Variants in FHIT observed in about 807,000 individuals in gnomAD.
FHIT encodes bis(5'-adenosyl)-triphosphatase.
A neutral mutation model predicts 17.9 loss-of-function variants in FHIT; 19 were observed. That is an observed-to-expected ratio of 1.06 (90% CI 0.74 to 1.56). The LOEUF is 1.56. Ranked by LOEUF, FHIT falls within the 40% of genes most tolerant of loss-of-function variation. The pLI, the probability that FHIT is intolerant of heterozygous loss-of-function variation, is 0.00. For missense variants in FHIT, 248 were observed against 189.2 expected (o/e 1.31, Z -1.82); for synonymous variants, 81 against 69.7 (o/e 1.16, Z -0.81).
intron 3 of FHIT, among the ~76,000 whole-genome samples, chr3:61,027,694 T>C (rs1403604827): frequency 2.0e-5 from 3 of 152,166 alleles, no homozygotes; most frequent in Non-Finnish European, 4.4e-5. Context: ...TAAACTATCA[T>C]ACAATATGTA....
intron 4 of FHIT, among the ~76,000 whole-genome samples, chr3:60,663,581 A>C (rs62251488): frequency 0.099 from 15,043 of 151,796 alleles, 955 homozygotes; most frequent in Non-Finnish European, 0.13. Context: ...GATTACAGGC[A>C]CCCACCACCA....
At chr3:60,259,013 T>C (rs1218016705) in intron 5 of FHIT, among the ~76,000 whole-genome samples, 6 of 150,918 alleles carry the variant, frequency 4.0e-5, no homozygotes, top group Non-Finnish European at 5.9e-5. Context: ...AATATCAAGA[T>C]GCCATATTTT....
chr3:60,125,617 C>CA (rs200255368), intron 5 of FHIT, among the ~76,000 whole-genome samples: 23,725 of 122,432 alleles, frequency 0.19, 2,108 homozygotes, highest in African/African-American at 0.23. Context: ...GACACTGTCT[C>CA]AAAAAAAAAA....
chr3:60,070,965 G>A (rs757181921), intron 5 of FHIT, among the ~76,000 whole-genome samples: 1 of 152,192 alleles, frequency 6.6e-6, no homozygotes, highest in Non-Finnish European at 1.5e-5. Context: ...CTAGTTTATG[G>A]TTAACAAACT....
At position 60,324,991 on chromosome 3, in the gene FHIT, G is replaced by A. The variant is rs369537811; in HGVS notation, c.103+211869C>T. On this transcript the variant is annotated intron_variant, in intron 5 of 9. Coordinates refer to ENST00000492590, the MANE Select transcript of FHIT (RefSeq NM_002012.4). The stretch of plus-strand genomic sequence containing the variant: ...ATTCTAGATATTTCTGAAGGTTTCT[G>A]AAGGTCACACAAAGGTGACTGTTTC... Among the ~76,000 whole-genome samples the A allele has an allele frequency of 4.5e-4, 69 of 152,096 alleles. 2 individuals are homozygous for A. In the South Asian group the frequency reaches 0.014, roughly 31 times the overall value.
chr3:60,508,432 CCA>C (rs1299129009), intron 5 of FHIT, among the ~76,000 whole-genome samples: 1 of 152,226 alleles, frequency 6.6e-6, no homozygotes, highest in African/African-American at 2.4e-5. Context: ...CTCCCTGCCA[CCA>C]CAGTTACAGG....
At chr3:60,161,942 G>T (rs932358424) in intron 5 of FHIT, among the ~76,000 whole-genome samples, 2 of 152,174 alleles carry the variant, frequency 1.3e-5, no homozygotes, top group East Asian at 1.9e-4. Flanking sequence ...GCTGAGATTG[G>T]ATTAAAGGCG....
chr3:60,358,809 C>A (rs1699780488), intron 5 of FHIT, among the ~76,000 whole-genome samples: 1 of 152,124 alleles, frequency 6.6e-6, no homozygotes, highest in Non-Finnish European at 1.5e-5. Flanking sequence ...AGTTGTAGGT[C>A]TTTGGGGAAA....
chr3:60,470,728 C>T (rs562980817), intron 5 of FHIT, among the ~76,000 whole-genome samples: 24 of 152,186 alleles, frequency 1.6e-4, no homozygotes, highest in South Asian at 4.1e-4. Context: ...GGTACCCAAG[C>T]GGCAAGATAA....
rs66518440 is a variant in FHIT, at chr3:60,227,680, CA to C, written c.104-213529del. ...CTGTTTAAAAATATTTTTACAAGGC[CA>C]TTGGATAAAAACAAGTATTAGGTAT... On this transcript the variant is annotated intron_variant, in intron 5 of 9. Coordinates refer to ENST00000492590, the MANE Select transcript of FHIT (RefSeq NM_002012.4). Among the ~76,000 whole-genome samples, 458 of 152,200 alleles carry C rather than the reference CA, an allele frequency of 3.0e-3. 2 individuals are homozygous for C. Among genetic ancestry groups the C allele is most frequent in the African/African-American group, 7.6e-3 (315 of 41,532 alleles).
chr3:60,760,418 T>C (rs529545399), intron 4 of FHIT, among the ~76,000 whole-genome samples: 12 of 152,252 alleles, frequency 7.9e-5, no homozygotes, highest in African/African-American at 2.6e-4. Flanking sequence ...AGAGAAGCTA[T>C]TGGAGATCTG....
intron 7 of FHIT, among the ~76,000 whole-genome samples, chr3:59,927,354 A>G (rs1705713177): frequency 6.6e-6 from 1 of 152,110 alleles, no homozygotes; most frequent in Non-Finnish European, 1.5e-5. Context: ...CTGGAATTAT[A>G]TAGCAGTGAT....
intron 8 of FHIT, among the ~76,000 whole-genome samples, chr3:59,780,385 T>C (rs973940956): frequency 7.2e-5 from 11 of 152,234 alleles, no homozygotes; most frequent in African/African-American, 2.7e-4. Flanking sequence ...AGCTACAAAA[T>C]GTGTTGCAAC....
intron 1 of FHIT, among the ~76,000 whole-genome samples, chr3:61,232,020 A>T (rs947031239): frequency 1.6e-4 from 24 of 152,202 alleles, no homozygotes; most frequent in African/African-American, 5.8e-4. Flanking sequence ...GGAGTGAGAA[A>T]AAAAAAGTAA....
At chr3:61,074,028 C>T (rs1245527095) in intron 2 of FHIT, among the ~76,000 whole-genome samples, 9 of 152,098 alleles carry the variant, frequency 5.9e-5, no homozygotes. Context: ...TTATTAGACA[C>T]GAGAATGTAA....
At chr3:60,528,578 A>C (rs1467076431) in intron 5 of FHIT, among the ~76,000 whole-genome samples, 1 of 152,170 alleles carries the variant, frequency 6.6e-6, no homozygotes, top group Admixed American at 6.5e-5. Context: ...GTTGGTCTTA[A>C]TTAATCAGCT....
At chr3:60,531,453 T>C (rs1005835614) in intron 5 of FHIT, among the ~76,000 whole-genome samples, 2 of 151,918 alleles carry the variant, frequency 1.3e-5, no homozygotes, top group Non-Finnish European at 2.9e-5. Context: ...TAATTTTTTG[T>C]ATTTTTAGTA....
At chr3:60,833,892 T>C (rs980014678) in intron 3 of FHIT, among the ~76,000 whole-genome samples, 1 of 152,216 alleles carries the variant, frequency 6.6e-6, no homozygotes, top group Non-Finnish European at 1.5e-5. Context: ...TCGTACAGTG[T>C]GTAATCTTTT....
At chr3:60,225,039 A>G (rs1381702376) in intron 5 of FHIT, among the ~76,000 whole-genome samples, 2 of 152,092 alleles carry the variant, frequency 1.3e-5, no homozygotes, top group Non-Finnish European at 2.9e-5. Flanking sequence ...CCGATTTTAA[A>G]TCAGTACTGG....
Sources: gnomAD v4.1 joint callset for allele counts (sites outside exome capture counted in the v4.1 genomes callset) on GRCh38, gnomAD v4.1.1 for gene constraint, MANE v1.5 for transcripts, NCBI Gene and HGNC (gene_info 2026-07-23, HGNC 2026-07-21) for gene names.